AFF3: variants seen among roughly 807,000 people sequenced by gnomAD.
AFF3 encodes the protein AF4/FMR2 family member 3.
Under a neutral mutation model 129.7 loss-of-function variants are expected in AFF3, and 32 were observed. That is an observed-to-expected ratio of 0.25 (90% CI 0.19 to 0.33). AFF3 has a LOEUF of 0.33. Among genes scored for constraint, AFF3 ranks in the 10% least tolerant of loss-of-function variants. The pLI is 1.00. For missense variants in AFF3, 1,373 were observed against 1,592.0 expected, an observed-to-expected ratio of 0.86 and a Z score of 2.34; for synonymous variants, 644 against 635.4, an observed-to-expected ratio of 1.01 and a Z score of -0.20.
intron 13 of AFF3, among the ~76,000 whole-genome samples, chr2:99,634,568 G>C (rs1488812698): frequency 6.6e-6 from 1 of 152,072 alleles, no homozygotes; most frequent in East Asian, 1.9e-4. Flanking sequence ...GTGTAGAGAA[G>C]GGAGCAAAAT....
At chr2:100,016,863 A>T (rs932831363) in intron 4 of AFF3, among the ~76,000 whole-genome samples, 2 of 144,162 alleles carry the variant, frequency 1.4e-5, no homozygotes, top group Non-Finnish European at 3.0e-5. Flanking sequence ...GAAGGTGGTG[A>T]TCGTGCTGGT....
intron 4 of AFF3, among the ~76,000 whole-genome samples, chr2:100,051,320 CG>C (rs961753961): frequency 6.6e-6 from 1 of 152,154 alleles, no homozygotes; most frequent in African/African-American, 2.4e-5. Flanking sequence ...GCCCACGCAA[CG>C]GCTCCCAGGA....
intron 12 of AFF3, among the ~76,000 whole-genome samples, chr2:99,654,719 G>T (rs942050606): frequency 1.3e-5 from 2 of 152,158 alleles, no homozygotes; most frequent in Non-Finnish European, 2.9e-5. Flanking sequence ...TATTCATTAC[G>T]AATGATTCTA....
chr2:99,896,052 G>C (rs1259469306), intron 7 of AFF3, among the ~76,000 whole-genome samples: 1 of 117,682 alleles, frequency 8.5e-6, no homozygotes, highest in Non-Finnish European at 1.6e-5. Context: ...CTGAGTGACA[G>C]AGTGAGACTC....
chr2:99,595,527 G>A (rs1679198715), intron 14 of AFF3, among the ~76,000 whole-genome samples: 1 of 151,246 alleles, frequency 6.6e-6, no homozygotes, highest in African/African-American at 2.4e-5. Flanking sequence ...GAGAAAAAAT[G>A]GTTTAACACA....
intron 18 of AFF3, 65 bp from the exon 19 acceptor site, chr2:99,568,980 CT>C: frequency 7.0e-7 from 1 of 1,435,794 alleles, no homozygotes; most frequent in Non-Finnish European, 9.8e-7. Context: ...TAAAATATTC[CT>C]TCCTTTCACT....
Position 99,546,412 on chromosome 2 carries a change from T to A in AFF3, c.*5062A>T, listed in dbSNP as rs781333695. 12 of 232,888 alleles carry A rather than the reference T, an allele frequency of 5.2e-5. No individual in the cohort carries two copies. Among genetic ancestry groups the A allele is most frequent in the Non-Finnish European group, 1.0e-4 (12 of 117,900 alleles). The allele number at this position is 232,888 out of a possible 1,614,324, so 14.4% of individuals were successfully genotyped here. A position where few individuals can be genotyped will look rare whatever the true frequency, so the allele number is the denominator to read the frequency against. On this transcript the variant is annotated 3_prime_UTR_variant, in exon 25 of 25. Coordinates refer to ENST00000672756, the MANE Select transcript of AFF3 (RefSeq NM_001386135.1). The stretch of plus-strand genomic sequence containing the variant: ...ACCCCTCTGCCTGGTTAATGAGGAC[T>A]CAACTGAACTGCCCATCTGCAAACA...
rs373897182 is a variant in AFF3, at chr2:99,855,951, C to T, written c.874-18427G>A. On this transcript the variant is annotated intron_variant, in intron 7 of 24. Coordinates refer to ENST00000672756, the MANE Select transcript of AFF3 (RefSeq NM_001386135.1). ...GCCTGTGTGGTCTTCCTCCCTAAAA[C>T]TCATAATCCCAGTCTAAACATAAGA... 1.7e-4 allele frequency among the ~76,000 whole-genome samples: 26 copies of T among 152,232 alleles called. 1 individual carries two copies. In the South Asian group the frequency reaches 5.0e-3, roughly 29 times the overall value.
intron 4 of AFF3, among the ~76,000 whole-genome samples, chr2:100,027,709 CAAGT>C (rs538458771): frequency 8.6e-4 from 131 of 152,164 alleles, no homozygotes; most frequent in East Asian, 1.5e-3. Flanking sequence ...TATTTCTTCC[CAAGT>C]AAGTATGTAA....
chr2:99,876,160 A>G (rs1011909291), intron 7 of AFF3, among the ~76,000 whole-genome samples: 21 of 152,160 alleles, frequency 1.4e-4, no homozygotes, highest in African/African-American at 4.8e-4. Context: ...TCCCTAGGAC[A>G]TGCTATGAAT....
At chr2:99,843,222 C>G (rs1306889365) in intron 7 of AFF3, among the ~76,000 whole-genome samples, 1 of 152,204 alleles carries the variant, frequency 6.6e-6, no homozygotes, top group African/African-American at 2.4e-5. Context: ...AACTGTGTCT[C>G]CTGCCTTATC....
intron 7 of AFF3, among the ~76,000 whole-genome samples, chr2:99,930,225 C>T (rs1301041112): frequency 6.6e-6 from 1 of 152,198 alleles, no homozygotes; most frequent in Admixed American, 6.5e-5. Context: ...CTAAGGATTG[C>T]AACCTGTTCA....
chr2:99,683,456 C>CT (rs960899480), intron 11 of AFF3, among the ~76,000 whole-genome samples: 13 of 151,290 alleles, frequency 8.6e-5, no homozygotes, highest in East Asian at 3.9e-4. Context: ...CTTTTTCTTT[C>CT]TTTTTTTTTG....
At chr2:99,619,816 T>C (rs1041268217) in intron 13 of AFF3, among the ~76,000 whole-genome samples, 4 of 152,164 alleles carry the variant, frequency 2.6e-5, no homozygotes, top group African/African-American at 4.8e-5. Flanking sequence ...CCTTGCTAAG[T>C]AGATCACCCC....
At chr2:99,690,456 C>G (rs1675543843) in intron 11 of AFF3, among the ~76,000 whole-genome samples, 1 of 152,006 alleles carries the variant, frequency 6.6e-6, no homozygotes. Flanking sequence ...GCTGGGATTA[C>G]AGGCGTGAGC....
At chr2:99,975,868 G>GAAAAAAAA (rs5832890) in intron 7 of AFF3, among the ~76,000 whole-genome samples, 1 of 74,534 alleles carries the variant, frequency 1.3e-5, no homozygotes, top group Non-Finnish European at 3.0e-5. Context: ...AGATTAAAAT[G>GAAAAAAAA]AAAAAAAAAA....
intron 4 of AFF3, among the ~76,000 whole-genome samples, chr2:100,047,089 A>G (rs1416679849): frequency 6.6e-6 from 1 of 152,226 alleles, no homozygotes; most frequent in Non-Finnish European, 1.5e-5. Flanking sequence ...ATTAAAATTA[A>G]GTTAAATGCT....
In AFF3 at chr2:99,548,293, G is replaced by A. The variant is rs1159731783; in HGVS notation, c.*3181C>T. 1.0e-5 allele frequency: 2 copies of A among 200,572 alleles called. No homozygotes were observed. Among genetic ancestry groups the A allele is most frequent in the African/African-American group, 2.3e-5 (1 of 43,594 alleles). The allele number at this position is 200,572 out of a possible 1,614,324, so 12.4% of individuals were successfully genotyped here. On this transcript the variant is annotated 3_prime_UTR_variant, in exon 25 of 25. Coordinates refer to ENST00000672756, the MANE Select transcript of AFF3 (RefSeq NM_001386135.1). ...ATTTGCTTAAATTTGAGAGTCTCTG[G>A]AAGGATATACATCAAACTGTGAGCA... is the stretch of plus-strand genomic sequence containing the variant.
chr2:99,916,336 A>G (rs1695473693), intron 7 of AFF3, among the ~76,000 whole-genome samples: 1 of 152,130 alleles, frequency 6.6e-6, no homozygotes, highest in Non-Finnish European at 1.5e-5. Flanking sequence ...AGCATTTACT[A>G]CTGTCTAAAA....
Sources: gnomAD v4.1 joint callset for allele counts (sites outside exome capture counted in the v4.1 genomes callset) on GRCh38, gnomAD v4.1.1 for gene constraint, MANE v1.5 for transcripts, NCBI Gene and HGNC (gene_info 2026-07-23, HGNC 2026-07-21) for gene names.